The following LRMDA variants were observed in gnomAD, a reference collection of about 807,000 sequenced individuals.
The protein encoded by LRMDA is leucine-rich melanocyte differentiation-associated protein.
In LRMDA, 18 loss-of-function variants were observed where a neutral mutation model predicts 29.8. The ratio of observed to expected loss-of-function variants is 0.60; its 90% confidence interval spans 0.42 to 0.90. The LOEUF is 0.90. LRMDA is among the 40% of genes least tolerant of loss of function. The pLI, the probability that LRMDA is intolerant of heterozygous loss-of-function variation, is 0.00. For synonymous variants in LRMDA, 125 were observed against 109.4 expected (o/e 1.14, Z -0.89); for missense variants, 273 against 273.9 (o/e 1.00, Z 0.02).
chr10:76,493,842 G>A (rs1564557863), intron 6 of LRMDA, among the ~76,000 whole-genome samples: 1 of 151,870 alleles, frequency 6.6e-6, no homozygotes, highest in Non-Finnish European at 1.5e-5. Flanking sequence ...TTAAAATATT[G>A]TTTCAATCCA....
At chr10:76,018,269 G>A (rs1847911355) in intron 2 of LRMDA, among the ~76,000 whole-genome samples, 1 of 152,164 alleles carries the variant, frequency 6.6e-6, no homozygotes, top group African/African-American at 2.4e-5. Flanking sequence ...CATATTGTAT[G>A]ATGTTTATCA....
chr10:75,609,472 A>G (rs913089032), intron 2 of LRMDA, among the ~76,000 whole-genome samples: 1 of 152,178 alleles, frequency 6.6e-6, no homozygotes, highest in African/African-American at 2.4e-5. Context: ...CTAGTGGTCA[A>G]TCTCTGCTCT....
chr10:75,633,227 G>T (rs753370672), intron 2 of LRMDA, among the ~76,000 whole-genome samples: 2 of 152,110 alleles, frequency 1.3e-5, no homozygotes, highest in African/African-American at 2.4e-5. Context: ...ACCTTATGGC[G>T]TAACTTTCTA....
intron 5 of LRMDA, among the ~76,000 whole-genome samples, chr10:76,175,456 C>T (rs1365559423): frequency 6.6e-6 from 1 of 152,154 alleles, no homozygotes; most frequent in African/African-American, 2.4e-5. Context: ...TAAGTGCTCG[C>T]ATTAACTATT....
At chr10:76,153,595 G>T (rs959012563) in intron 5 of LRMDA, among the ~76,000 whole-genome samples, 2 of 152,104 alleles carry the variant, frequency 1.3e-5, no homozygotes, top group African/African-American at 2.4e-5. Context: ...TTCTTGTCAG[G>T]TTCTTGATTT....
rs1465498628 is a variant in LRMDA, at chr10:75,982,157, AT to A, written c.132-53845del. ...ACTGATCTCTTCTTTTCCTTAGGGC[AT>A]TTTTTACTTTATTGAAGACTCTCTA... On this transcript the variant is annotated intron_variant, in intron 2 of 6. Transcript: ENST00000611255. Among the ~76,000 whole-genome samples the A allele has an allele frequency of 2.0e-5, 3 of 152,064 alleles. No homozygotes were observed. In the East Asian group the frequency reaches 5.8e-4, roughly 29 times the overall value.
intron 5 of LRMDA, among the ~76,000 whole-genome samples, chr10:76,216,905 T>C (rs1183900708): frequency 1.3e-5 from 2 of 152,226 alleles, no homozygotes; most frequent in African/African-American, 4.8e-5. Context: ...AATTGCTGTA[T>C]GTATTTTCAA....
intron 6 of LRMDA, among the ~76,000 whole-genome samples, chr10:76,353,265 T>G (rs1841199865): frequency 6.6e-6 from 1 of 152,006 alleles, no homozygotes; most frequent in Non-Finnish European, 1.5e-5. Context: ...AAGAACTTTT[T>G]TTGGGAATGG....
intron 3 of LRMDA, among the ~76,000 whole-genome samples, chr10:76,045,501 T>G (rs1173229355): frequency 6.6e-6 from 1 of 152,022 alleles, no homozygotes; most frequent in East Asian, 1.9e-4. Flanking sequence ...CTTGCTAGTT[T>G]CACCTCTTCT....
intron 6 of LRMDA, among the ~76,000 whole-genome samples, chr10:76,542,553 G>A (rs1443704703): frequency 6.6e-6 from 1 of 152,174 alleles, no homozygotes; most frequent in Admixed American, 6.5e-5. Context: ...TCTGCGTTCA[G>A]TGAGTCTATC....
chr10:75,741,436 T>TA (rs111419013), intron 2 of LRMDA, among the ~76,000 whole-genome samples: 1,758 of 144,562 alleles, frequency 0.012, 34 homozygotes, highest in African/African-American at 0.036. Context: ...ACCACTGCTT[T>TA]AAAAAAAAAA....
At chr10:75,972,230 G>T (rs1161945886) in intron 2 of LRMDA, among the ~76,000 whole-genome samples, 1 of 152,000 alleles carries the variant, frequency 6.6e-6, no homozygotes, top group African/African-American at 2.4e-5. Context: ...GCTGGTTTCA[G>T]TGAAAGGAAA....
At chr10:76,022,892 A>G (rs1257788332) in intron 2 of LRMDA, among the ~76,000 whole-genome samples, 1 of 152,162 alleles carries the variant, frequency 6.6e-6, no homozygotes, top group Admixed American at 6.5e-5. Context: ...TGGACAATGG[A>G]CAATGCTGGG....
chr10:76,103,175 G>T (rs1473639749), intron 5 of LRMDA, among the ~76,000 whole-genome samples: 1 of 152,164 alleles, frequency 6.6e-6, no homozygotes, highest in Admixed American at 6.5e-5. Context: ...TTTCATGTAG[G>T]AACCTTTGTA....
At chr10:75,484,057 G>A (rs899376810) in intron 2 of LRMDA, among the ~76,000 whole-genome samples, 4 of 152,052 alleles carry the variant, frequency 2.6e-5, no homozygotes, top group Admixed American at 2.6e-4. Flanking sequence ...ATGGGCTTAA[G>A]CAATCCTCCC....
chr10:76,473,897 GT>G (rs1842642353), intron 6 of LRMDA, among the ~76,000 whole-genome samples: 1 of 151,486 alleles, frequency 6.6e-6, no homozygotes, highest in Non-Finnish European at 1.5e-5. Flanking sequence ...AAAGACAACA[GT>G]ACTCCACCCA....
intron 2 of LRMDA, among the ~76,000 whole-genome samples, chr10:75,627,152 TA>T (rs1248683560): frequency 2.0e-5 from 3 of 152,256 alleles, no homozygotes; most frequent in African/African-American, 7.2e-5. Context: ...AGTAGTGACC[TA>T]TCAGTTGAGC....
intron 2 of LRMDA, among the ~76,000 whole-genome samples, chr10:75,587,791 C>G (rs1840674872): frequency 6.6e-6 from 1 of 152,190 alleles, no homozygotes; most frequent in African/African-American, 2.4e-5. Context: ...CTATGGATGG[C>G]CACCCTTCAG....
chr10:75,879,342 ACT>A (rs979260862), intron 2 of LRMDA, among the ~76,000 whole-genome samples: 3 of 151,098 alleles, frequency 2.0e-5, no homozygotes. Context: ...GCCCTTAGAA[ACT>A]CTCTCTTCCC....
Sources: allele counts gnomAD v4.1 joint callset (sites outside exome capture counted in the v4.1 genomes callset), GRCh38; gene constraint gnomAD v4.1.1; transcripts MANE v1.5; gene names NCBI Gene and HGNC (gene_info 2026-07-23, HGNC 2026-07-21).